The following FMR1 variants were observed in gnomAD, a reference collection of about 807,000 sequenced individuals.
The protein encoded by FMR1 is FMRP translational regulator 1.
A neutral mutation model predicts 50.6 loss-of-function variants in FMR1; 13 were observed. That is an observed-to-expected ratio of 0.26 (90% CI 0.17 to 0.41). The LOEUF (loss-of-function observed/expected upper bound fraction) is 0.41. Ranked by LOEUF, FMR1 falls within the 10% of genes least tolerant of loss-of-function variation. The pLI is 1.00. For missense variants in FMR1, 316 were observed against 491.3 expected (o/e 0.64, Z 3.37); for synonymous variants, 138 against 164.1 (o/e 0.84, Z 1.22).
At chrX:147,922,991 T>C (rs2043238099) in intron 2 of FMR1, among the ~76,000 whole-genome samples, 1 of 111,846 alleles carries the variant, frequency 8.9e-6, no homozygotes, top group African/African-American at 3.3e-5. Context: ...TATAATGATA[T>C]GTGGATTATG....
chrX:147,914,247 T>C (rs1489716435), intron 1 of FMR1: 1 of 112,670 alleles, frequency 8.9e-6, no homozygotes, highest in Non-Finnish European at 1.9e-5. Context: ...ATTGCTGTTA[T>C]GTTTATTTAA....
At chrX:147,931,910 G>C (rs972152455) in intron 7 of FMR1, among the ~76,000 whole-genome samples, 13 of 111,646 alleles carry the variant, frequency 1.2e-4, no homozygotes, top group African/African-American at 4.2e-4. Flanking sequence ...TTCAACAGAG[G>C]AATGTTTAGA....
chrX:147,945,813 G>A (rs2044152733), intron 16 of FMR1, 197 bp downstream of exon 16: 1 of 418,540 alleles, frequency 2.4e-6, no homozygotes, highest in Admixed American at 4.1e-5. Flanking sequence ...TTTCTCTAGA[G>A]AATATGCAGT....
At chrX:147,939,641 A>G (rs913194155) in intron 12 of FMR1, among the ~76,000 whole-genome samples, 2 of 110,288 alleles carry the variant, frequency 1.8e-5, no homozygotes, top group African/African-American at 3.3e-5. Flanking sequence ...TCATGCCTGT[A>G]GTCCCGACAC....
chrX:147,938,526 A>G lies in FMR1; in HGVS notation c.1188+365A>G, dbSNP rs908663756. On this transcript the variant is annotated intron_variant, in intron 12 of 16. Coordinates refer to ENST00000370475, the MANE Select transcript of FMR1 (RefSeq NM_002024.6). Reference sequence around the variant, plus strand: ...CTCCTCCACATGTCACCTCATTTTGACCTTATTCCTTACAAAGCTTTCCTT... The same window carrying G: ...CTCCTCCACATGTCACCTCATTTTGGCCTTATTCCTTACAAAGCTTTCCTT... Among the ~76,000 whole-genome samples, 3 of 111,380 alleles carry G rather than the reference A, an allele frequency of 2.7e-5. No individual in the cohort carries two copies. In the Admixed American group the frequency reaches 2.9e-4, roughly 11 times the overall value.
chrX:147,917,609 C>CT lies in FMR1; in HGVS notation c.52-4318dup, dbSNP rs782267566. Among the ~76,000 whole-genome samples the CT allele has an allele frequency of 9.0e-5, 10 of 111,540 alleles. No individual in the cohort carries two copies. In the South Asian group the frequency reaches 2.6e-3, roughly 29 times the overall value. On this transcript the variant is annotated intron_variant, in intron 1 of 16. Transcript: ENST00000370475. Reference sequence around the variant, plus strand: ...TCTTTTTCTATCCCAATTTTTAAAGCTTTTTTAAAAAAAAGAGTGCTTTTG... The same window carrying CT: ...TCTTTTTCTATCCCAATTTTTAAAGCTTTTTTTAAAAAAAAGAGTGCTTTTG...
chrX:147,916,392 C>T (rs1461096739), intron 1 of FMR1, among the ~76,000 whole-genome samples: 1 of 111,092 alleles, frequency 9.0e-6, no homozygotes, highest in Non-Finnish European at 1.9e-5. Context: ...TATTGTCTCT[C>T]TTTATTCTTT....
chrX:147,947,887 T>G (rs2044232478), intron 16 of FMR1, among the ~76,000 whole-genome samples: 1 of 112,390 alleles, frequency 8.9e-6, no homozygotes, highest in Non-Finnish European at 1.9e-5. Flanking sequence ...CATTTGTCAC[T>G]GTTAACTTTC....
At chrX:147,917,410 T>C (rs2042926645) in intron 1 of FMR1, among the ~76,000 whole-genome samples, 1 of 112,064 alleles carries the variant, frequency 8.9e-6, no homozygotes, top group South Asian at 3.7e-4. Context: ...TGCTAGTAAA[T>C]TAGGGACCCC....
chrX:147,936,303 G>T (rs1458109529), intron 9 of FMR1, among the ~76,000 whole-genome samples: 2 of 111,974 alleles, frequency 1.8e-5, no homozygotes, highest in African/African-American at 3.2e-5. Context: ...TTTAAACAAT[G>T]ATGTCCTAAT....
At chrX:147,922,272 C>T (rs1557176663) in intron 2 of FMR1, among the ~76,000 whole-genome samples, 1 of 111,465 alleles carries the variant, frequency 9.0e-6, no homozygotes, top group Non-Finnish European at 1.9e-5. Flanking sequence ...ACTGGAAGTT[C>T]GCATAGGAGT....
chrX:147,945,894 A>T, intron 16 of FMR1, among the ~76,000 whole-genome samples: 1 of 111,164 alleles, frequency 9.0e-6, no homozygotes, highest in Non-Finnish European at 1.9e-5. Context: ...TATTTTTTTG[A>T]GACGGGAGTT....
chrX:147,932,809 A>G (rs782128808), intron 9 of FMR1, 46 bp downstream of exon 9: 7 of 881,088 alleles, frequency 7.9e-6, no homozygotes, highest in Non-Finnish European at 1.2e-5. Context: ...AACTAAGTTT[A>G]GGTAAACAGT....
chrX:147,932,802 T>A, intron 9 of FMR1, 39 bp downstream of exon 9: 1 of 916,516 alleles, frequency 1.1e-6, no homozygotes, highest in Non-Finnish European at 1.6e-6. Flanking sequence ...GTACAACAAC[T>A]AAGTTTAGGT....
intron 1 of FMR1, among the ~76,000 whole-genome samples, chrX:147,915,804 T>C (rs1396847486): frequency 8.9e-6 from 1 of 111,744 alleles, no homozygotes; most frequent in Non-Finnish European, 1.9e-5. Flanking sequence ...CTTTAAATGA[T>C]GCACAGAGAG....
intron 9 of FMR1, chrX:147,933,774 A>G: frequency 3.0e-6 from 1 of 336,282 alleles, no homozygotes; most frequent in Non-Finnish European, 3.9e-6. Context: ...AGAAGAAAGC[A>G]AGGACTTCTC....
chrX:147,929,962 C>T lies in FMR1; in HGVS notation c.434C>T (p.Ala145Val), dbSNP rs782632872. The part of the protein sequence containing the change: ...EDLRQMCAKE[A>V]AHKDFKKAVG... ...TAAATTTCTAGGTGTGCCAAAGAGG[C>T]GGCACATAAGGATTTTAAAAAGGCA... The change falls in exon 6 of 17, where the codon GCG (alanine) becomes GTG (valine). Residue 145 changes from alanine to valine, a missense_variant. This residue lies in a region of FMR1 where 124 missense variants were observed against 238.1 expected (regional missense o/e 0.52). Transcript: ENST00000370475. 1.1e-5 allele frequency: 13 copies of T among 1,192,603 alleles called. No homozygotes were observed. The highest frequency in any genetic ancestry group is 7.1e-5 in the South Asian group (4 of 56,235).
intron 2 of FMR1, among the ~76,000 whole-genome samples, 187 bp from the exon 3 acceptor site, chrX:147,925,353 A>G (rs1557177336): frequency 1.8e-5 from 2 of 111,831 alleles, no homozygotes; most frequent in African/African-American, 6.5e-5. Context: ...CTGCATGCAG[A>G]CTTTGCTGAA....
chrX:147,945,907 G>A (rs782163405), intron 16 of FMR1, among the ~76,000 whole-genome samples: 2 of 110,850 alleles, frequency 1.8e-5, no homozygotes, highest in South Asian at 7.7e-4. Flanking sequence ...CGGGAGTTTC[G>A]CTTTTGTTGC....
Sources: gnomAD v4.1 joint callset for allele counts (sites outside exome capture counted in the v4.1 genomes callset) on GRCh38, gnomAD v4.1.1 for gene constraint, gnomAD v4.1.1 regional missense constraint, MANE v1.5 for transcripts, NCBI Gene and HGNC (gene_info 2026-07-23, HGNC 2026-07-21) for gene names.